Variants in CES2 observed in about 807,000 individuals in gnomAD.
The protein encoded by CES2 is carboxylesterase 2, also known as cocaine esterase.
Under a neutral mutation model 52.1 loss-of-function variants are expected in CES2, and 42 were observed. The observed-to-expected ratio is 0.81, with a 90% CI of 0.63 to 1.04. CES2 has a LOEUF of 1.04. Ranked by LOEUF, CES2 falls within the 50% of genes least tolerant of loss-of-function variation. The pLI is 0.00. For missense variants in CES2, 656 were observed against 724.3 expected, an observed-to-expected ratio of 0.91 and a Z score of 1.08; for synonymous variants, 277 against 289.6, an observed-to-expected ratio of 0.96 and a Z score of 0.44.
At chr16:66,942,003 G>C in intron 8 of CES2, 102 bp from the exon 9 acceptor site, 1 of 1,518,770 alleles carries the variant, frequency 6.6e-7, no homozygotes, top group Non-Finnish European at 8.9e-7. Flanking sequence ...TCAGAGCCTC[G>C]CCTTTGCTCC....
intron 3 of CES2, among the ~76,000 whole-genome samples, 194 bp downstream of exon 3, chr16:66,939,552 C>T (rs1963306395): frequency 6.6e-6 from 1 of 152,252 alleles, no homozygotes; most frequent in Non-Finnish European, 1.5e-5. Flanking sequence ...GTTCTGGCTG[C>T]TCCCAGAGGT....
chr16:66,939,952 A>G (rs892029114), intron 3 of CES2, among the ~76,000 whole-genome samples: 20 of 152,240 alleles, frequency 1.3e-4, no homozygotes, highest in Admixed American at 1.2e-3. Context: ...ATGTGGAGCC[A>G]TCAGGGAGAC....
At chr16:66,934,762 A>T (rs543831316), upstream of CES2, 4 of 193,010 alleles carry the variant, frequency 2.1e-5, no homozygotes, top group Admixed American at 2.2e-4. The surrounding 1 kb of genome is among the most constrained non-coding windows in gnomAD (Gnocchi z 4.1). Context: ...CCTGGCAGGG[A>T]TCCTAGTGTC....
Position 66,940,674 on chromosome 16 carries a change from C to G in CES2, c.795C>G (p.Ser265Arg). 6.2e-7 allele frequency: 1 copy of G among 1,614,180 alleles called. No individual in the cohort carries two copies. The highest frequency in any genetic ancestry group is 1.1e-5 in the South Asian group (1 of 91,090). ...CCCTCCTGCCCGGCCTCATTGCCAG[C>G]TCAGCTGATGTCATCTCCACGGTGA... is the stretch of plus-strand genomic sequence containing the variant. ...GVALLPGLIA[S>R]SADVISTVVA... The change falls in exon 5 of 12, where the codon AGC (serine) becomes AGG (arginine). Residue 265 changes from serine to arginine, a missense_variant. Ser to Arg is a moderately radical substitution (Grantham distance 110, BLOSUM62 -1). Coordinates refer to ENST00000317091, the MANE Select transcript of CES2 (RefSeq NM_001365405.1).
chr16:66,941,952 G>A, intron 8 of CES2, 104 bp downstream of exon 8: 2 of 1,558,900 alleles, frequency 1.3e-6, no homozygotes, highest in Admixed American at 3.5e-5. Context: ...TGACCCCCAT[G>A]AGCAAAGGCC....
Position 66,939,277 on chromosome 16 carries a change from C to T in CES2, c.342C>T (p.Phe114=), listed in dbSNP as rs1319592397. The change falls in exon 3 of 12, where the codon TTC becomes TTT. Residue 114 remains phenylalanine, a synonymous_variant. Transcript: ENST00000317091. ...TTCTTAGCCAGTTCAACATGACCTT[C>T]CCTTCCGACTCCATGTCTGAGGACT... ...SEFLSQFNMT[F]PSDSMSEDCL... 2 of 1,613,902 alleles carry T rather than the reference C, an allele frequency of 1.2e-6. No homozygotes were observed. Among genetic ancestry groups the T allele is most frequent in the Admixed American group, 3.3e-5 (2 of 60,018 alleles).
chr16:66,943,309 T>C lies in CES2; in HGVS notation c.1431T>C (p.Thr477=). 6.2e-7 allele frequency: 1 copy of C among 1,613,934 alleles called. No individual in the cohort carries two copies. Among genetic ancestry groups the C allele is most frequent in the Non-Finnish European group, 8.5e-7 (1 of 1,179,942 alleles). ...SFFGGNYIKF[T]EEEEQLSRKM... ...TCTTCCTCTTGGCAGTTAAATTCAC[T>C]GAGGAAGAGGAGCAGCTAAGCAGGA... Residue 477 remains threonine (T), a synonymous_variant, in exon 11 of 12, where the codon ACT becomes ACC. Coordinates refer to ENST00000317091, the MANE Select transcript of CES2 (RefSeq NM_001365405.1). This position sits in a 1 kb window ranked among gnomAD's most constrained non-coding sequence, Gnocchi z 4.2.
In CES2 at chr16:66,941,860, G is replaced by C; in HGVS notation, c.1137+12G>C. The C allele has an allele frequency of 1.9e-6, 3 of 1,614,048 alleles. No individual in the cohort carries two copies. The highest frequency in any genetic ancestry group is 2.5e-6 in the Non-Finnish European group (3 of 1,179,992). On this transcript the variant is annotated intron_variant, in intron 8 of 11. Coordinates refer to ENST00000317091, the MANE Select transcript of CES2 (RefSeq NM_001365405.1). ...TGTTAACGCTGCTGGTAAGGCTCCT[G>C]GGGTCCCTCGCCAATGGAGACGGGC...
Position 66,942,133 on chromosome 16 carries a change from T to G in CES2, c.1166T>G (p.Leu389Arg). ...TTGCCTCCTACATTTGGTGACCTGC[T>G]GAGGGAGGAGTACATTGGGGACAAT... Reference protein sequence around the residue: ...LMLPPTFGDLLREEYIGDNGD... With the variant: ...LMLPPTFGDLRREEYIGDNGD... The change falls in exon 9 of 12, where the codon CTG becomes CGG. Residue 389 changes from leucine to arginine, a missense_variant. Leu to Arg is a moderately radical substitution (Grantham distance 102, BLOSUM62 -2). Coordinates refer to ENST00000317091, the MANE Select transcript of CES2 (RefSeq NM_001365405.1). The G allele has an allele frequency of 6.2e-7, 1 of 1,611,898 alleles. No homozygotes were observed. The highest frequency in any genetic ancestry group is 8.5e-7 in the Non-Finnish European group (1 of 1,178,244).
chr16:66,935,872 C>T, intron 1 of CES2, 161 bp downstream of exon 1: 2 of 1,493,184 alleles, frequency 1.3e-6, no homozygotes, highest in Non-Finnish European at 1.8e-6. Flanking sequence ...CCCCGCCGCC[C>T]AAGGTGGGCT....
In CES2 at chr16:66,941,177, C is replaced by T. The variant is rs1555523285; in HGVS notation, c.870C>T (p.Gly290=). The change falls in exon 6 of 12, where the codon GGC becomes GGT. Residue 290 remains glycine, a synonymous_variant. Coordinates refer to ENST00000317091, the MANE Select transcript of CES2 (RefSeq NM_001365405.1). ...AAGTTGACTCTGAGGCCCTGGTGGG[C>T]TGCCTGCGGGGCAAGAGTAAAGAGG... is the stretch of plus-strand genomic sequence containing the variant. ...CDQVDSEALV[G]CLRGKSKEEI... The T allele has an allele frequency of 4.3e-6, 7 of 1,614,152 alleles. No homozygotes were observed. Among genetic ancestry groups the T allele is most frequent in the Non-Finnish European group, 5.9e-6 (7 of 1,180,016 alleles).
At chr16:66,941,475 C>A in intron 6 of CES2, 31 bp from the exon 7 acceptor site, 4 of 1,611,572 alleles carry the variant, frequency 2.5e-6, no homozygotes, top group Non-Finnish European at 3.4e-6. Context: ...TGGGACCTGA[C>A]CTTGTTCCCT....
At position 66,935,562 on chromosome 16, in the gene CES2, G is replaced by A. The variant is rs759872878; in HGVS notation, c.-74G>A. 6.2e-7 allele frequency: 1 copy of A among 1,613,922 alleles called. No individual in the cohort carries two copies. Among genetic ancestry groups the A allele is most frequent in the South Asian group, 1.1e-5 (1 of 91,090 alleles). On this transcript the variant is annotated 5_prime_UTR_variant, in exon 1 of 12. Transcript: ENST00000317091. Reference sequence around the variant, plus strand: ...CTGGGCAAGGCACTGATCCACTGCTGGACAGACCCGGGGCAGCCTCTGGGT... The same window carrying A: ...CTGGGCAAGGCACTGATCCACTGCTAGACAGACCCGGGGCAGCCTCTGGGT...
chr16:66,938,325 A>G, intron 2 of CES2, 84 bp downstream of exon 2: 1 of 957,038 alleles, frequency 1.0e-6, no homozygotes, highest in Non-Finnish European at 1.7e-6. Context: ...TGCAGTTATC[A>G]TTTCATCTAA....
intron 5 of CES2, among the ~76,000 whole-genome samples, 173 bp downstream of exon 5, chr16:66,940,868 T>G (rs1004588801): frequency 1.3e-5 from 2 of 152,214 alleles, no homozygotes; most frequent in African/African-American, 4.8e-5. Context: ...CTTCTGCCAT[T>G]GCAGAGGCCG....
In CES2 at chr16:66,943,466, G is replaced by A. The variant is rs1042205222; in HGVS notation, c.1493+95G>A. ...CTGGGGTGACCTCATGAGCACACCC[G>A]CATCCTTCATCACATGATGGCCCCT... On this transcript the variant is annotated intron_variant, in intron 11 of 11. Transcript: ENST00000317091. This position sits in a 1 kb window ranked among gnomAD's most constrained non-coding sequence, Gnocchi z 4.2. 9 of 1,302,372 alleles carry A rather than the reference G, an allele frequency of 6.9e-6. No homozygotes were observed. The highest frequency in any genetic ancestry group is 4.4e-5 in the African/African-American group (3 of 68,512). 80.7% of individuals were successfully genotyped at this position (1,302,372 alleles called of 1,614,324 possible).
At position 66,943,777 on chromosome 16, in the gene CES2, G is replaced by A. The variant is rs529235894; in HGVS notation, c.1494-62G>A. 7 of 1,414,536 alleles carry A rather than the reference G, an allele frequency of 4.9e-6. No individual in the cohort carries two copies. In the South Asian group the frequency reaches 8.4e-5, roughly 17 times the overall value. 87.6% of individuals were successfully genotyped at this position (1,414,536 alleles called of 1,614,324 possible). On this transcript the variant is annotated intron_variant, in intron 11 of 11. Coordinates refer to ENST00000317091, the MANE Select transcript of CES2 (RefSeq NM_001365405.1). The surrounding 1 kb of genome is among the most constrained non-coding windows in gnomAD (Gnocchi z 4.2). ...GCCTGACCAGACTCAGGGTGCTCAG[G>A]TCTGGGCTTCGGGGGCCCAGAGTGA...
At chr16:66,940,192 G>A in intron 3 of CES2, 30 bp from the exon 4 acceptor site, 1 of 1,610,882 alleles carries the variant, frequency 6.2e-7, no homozygotes, top group African/African-American at 1.3e-5. Flanking sequence ...CTGGGTGGGA[G>A]CATCATGGTA....
chr16:66,943,702 G>T lies in CES2; in HGVS notation c.1494-137G>T. 1 of 675,222 alleles carries T rather than the reference G, an allele frequency of 1.5e-6. No individual in the cohort carries two copies. The highest frequency in any genetic ancestry group is 2.5e-6 in the Non-Finnish European group (1 of 400,724). The allele number at this position is 675,222 out of a possible 1,614,324, so 41.8% of individuals were successfully genotyped here. ...AGAGGGAGCTTATTTCCTGTTTCTG[G>T]AAGCCTCCCCACTCATTCCCCAAGC... On this transcript the variant is annotated intron_variant, in intron 11 of 11. Transcript: ENST00000317091. This position sits in a 1 kb window ranked among gnomAD's most constrained non-coding sequence, Gnocchi z 4.2.
Sources: gnomAD v4.1 joint callset for allele counts (sites outside exome capture counted in the v4.1 genomes callset) on GRCh38, gnomAD v4.1.1 for gene constraint, Gnocchi (gnomAD v3.1) non-coding constraint, MANE v1.5 for transcripts, NCBI Gene and HGNC (gene_info 2026-07-23, HGNC 2026-07-21) for gene names.